The following PRB2 variants were observed in gnomAD, a reference collection of about 807,000 sequenced individuals.
PRB2 encodes basic salivary proline-rich protein 2.
Under a neutral mutation model 8.3 loss-of-function variants are expected in PRB2, and 12 were observed. The ratio of observed to expected loss-of-function variants is 1.45; its 90% CI spans 0.93 to 2.35. The LOEUF (loss-of-function observed/expected upper bound fraction) is 2.35, where lower values mean the gene tolerates loss of function less well. Ranked by LOEUF, PRB2 falls within the 30% of genes most tolerant of loss-of-function variation. The pLI, the probability that PRB2 is intolerant of heterozygous loss-of-function variation, is 0.00. For missense variants in PRB2, 470 were observed against 507.0 expected (o/e 0.93, Z 0.70); for synonymous variants, 146 against 180.0 (o/e 0.81, Z 1.51).
chr12:11,394,988 T>C (rs1260651038), intron 1 of PRB2, among the ~76,000 whole-genome samples: 2 of 152,076 alleles, frequency 1.3e-5, no homozygotes, highest in African/African-American at 4.8e-5. Context: ...TGACAATGAT[T>C]GGCTCTGATA....
At chr12:11,395,405 A>G in intron 1 of PRB2, 61 bp downstream of exon 1, 1 of 1,600,834 alleles carries the variant, frequency 6.2e-7, no homozygotes. Context: ...CCCCGTAATT[A>G]CCATTATCAC....
At position 11,394,532 on chromosome 12, in the gene PRB2, T is replaced by C. The variant is rs767569429; in HGVS notation, c.65-2A>G. On this transcript the variant is annotated splice_acceptor_variant, in intron 1 of 3. Transcript: ENST00000389362. LOFTEE classifies it high-confidence loss of function. ...AGGGAGATTCTTCCTGGCTGACATC[T>C]AGAAGAGAAGCACAGGATGATGGGA... The C allele has an allele frequency of 6.2e-7, 1 of 1,613,270 alleles. No homozygotes were observed. Among genetic ancestry groups the C allele is most frequent in the Non-Finnish European group, 8.5e-7 (1 of 1,179,238 alleles).
Position 11,393,712 on chromosome 12 carries a change from G to T in PRB2, c.366C>A (p.Pro122=). Residue 122 remains proline (P), a synonymous_variant, in exon 3 of 4, where the codon CCC becomes CCA. Coordinates refer to ENST00000389362, the MANE Select transcript of PRB2 (RefSeq NM_006248.4). ...CTTGAGGCTGGTTGCCTCCTTGTGG[G>T]GGTGGTCCTTGTGGCTTTCCTGGAG... ...RSPPGKPQGP[P]PQGGNQPQGP... is the part of the protein sequence containing the mutation. The T allele has an allele frequency of 1.9e-6, 3 of 1,598,762 alleles. No homozygotes were observed. The highest frequency in any genetic ancestry group is 8.5e-7 in the Non-Finnish European group (1 of 1,172,950).
chr12:11,394,123 T>C (rs1217173179), intron 2 of PRB2, 146 bp from the exon 3 acceptor site: 5 of 1,216,608 alleles, frequency 4.1e-6, no homozygotes, highest in Admixed American at 2.2e-5. Context: ...TTCTTTGCAT[T>C]TCAGTGAAGA....
chr12:11,391,892 CT>C (rs1864330592), intron 3 of PRB2, among the ~76,000 whole-genome samples: 1 of 127,354 alleles, frequency 7.9e-6, no homozygotes, highest in African/African-American at 3.2e-5. Flanking sequence ...CTTATTATTA[CT>C]TGCTGCTGAA....
intron 2 of PRB2, 119 bp from the exon 3 acceptor site, chr12:11,394,096 G>A: frequency 7.4e-7 from 1 of 1,353,640 alleles, no homozygotes; most frequent in Non-Finnish European, 1.0e-6. Context: ...ACACAAAAAT[G>A]AGACCAAGAC....
chr12:11,395,390 C>T lies in PRB2; in HGVS notation c.64+76G>A, dbSNP rs1394756009. The T allele has an allele frequency of 6.9e-6, 11 of 1,588,202 alleles. No homozygotes were observed. The East Asian group carries it at 2.2e-4, about 32-fold the overall frequency. ...GCCCCATCTGTGTTTTCATTCTCCT[C>T]TCTTCCCCGTAATTACCATTATCAC... On this transcript the variant is annotated intron_variant, in intron 1 of 3. Transcript: ENST00000389362.
intron 1 of PRB2, among the ~76,000 whole-genome samples, chr12:11,394,807 C>A (rs558634889): frequency 2.0e-5 from 3 of 152,230 alleles, no homozygotes; most frequent in African/African-American, 7.2e-5. Context: ...TCACAAATGC[C>A]AGGTACTTCA....
At position 11,392,943 on chromosome 12, in the gene PRB2, C is replaced by T. The variant is rs566283336; in HGVS notation, c.1135G>A (p.Gly379Ser). Residue 379 changes from glycine to serine, a missense_variant, in exon 3 of 4, where the codon GGT becomes AGT. Around this residue, in one of 4 missense-constraint regions of PRB2, gnomAD observed 205 missense variants for 195.0 expected, o/e 1.05. Coordinates refer to ENST00000389362, the MANE Select transcript of PRB2 (RefSeq NM_006248.4). ...TTGCCTCCTGCTGGAGGTGGGGGAC[C>T]TTGAGGATTGTTGCCTTCTTGTTGG... ...PPQQEGNNPQ[G>S]PPPPAGGNPQ... 5 of 1,610,292 alleles carry T rather than the reference C, an allele frequency of 3.1e-6. No individual in the cohort carries two copies. The highest frequency in any genetic ancestry group is 4.2e-6 in the Non-Finnish European group (5 of 1,179,034).
At chr12:11,395,324 G>T in intron 1 of PRB2, 142 bp downstream of exon 1, 1 of 967,570 alleles carries the variant, frequency 1.0e-6, no homozygotes. Context: ...GTGGAATGAG[G>T]GCACAACAAG....
chr12:11,395,318 A>C lies in PRB2; in HGVS notation c.64+148T>G, dbSNP rs1253710718. On this transcript the variant is annotated intron_variant, in intron 1 of 3. Coordinates refer to ENST00000389362, the MANE Select transcript of PRB2 (RefSeq NM_006248.4). ...AATAAATTAGAAACTCTTATTGTGG[A>C]ATGAGGGCACAACAAGTCTCCTGAT... 6.5e-6 allele frequency: 6 copies of C among 916,322 alleles called. No individual in the cohort carries two copies. In the East Asian group the frequency reaches 1.5e-4, roughly 22 times the overall value. The allele number at this position is 916,322 out of a possible 1,614,324, so 56.8% of individuals were successfully genotyped here. A position where few individuals can be genotyped will look rare whatever the true frequency, so the allele number is the denominator to read the frequency against.
intron 2 of PRB2, 92 bp from the exon 3 acceptor site, chr12:11,394,069 A>T (rs1337596933): frequency 6.5e-7 from 1 of 1,530,904 alleles, no homozygotes; most frequent in Admixed American, 1.7e-5. Flanking sequence ...TTTGGGTAAC[A>T]AGCTGAGTGG....
At chr12:11,394,080 G>C in intron 2 of PRB2, 103 bp from the exon 3 acceptor site, 2 of 1,456,830 alleles carry the variant, frequency 1.4e-6, no homozygotes, top group Non-Finnish European at 1.9e-6. Flanking sequence ...AGCTGAGTGG[G>C]GAAACACACA....
intron 1 of PRB2, 36 bp from the exon 2 acceptor site, chr12:11,394,566 A>C: frequency 6.2e-7 from 1 of 1,608,650 alleles, no homozygotes; most frequent in Non-Finnish European, 8.5e-7. Context: ...GAACAGTTAC[A>C]TCTTGAACCT....
chr12:11,394,551 G>C, intron 1 of PRB2, 21 bp from the exon 2 acceptor site: 5 of 1,612,540 alleles, frequency 3.1e-6, no homozygotes, highest in Non-Finnish European at 3.4e-6. Context: ...AGCACAGGAT[G>C]ATGGGAACAG....
intron 2 of PRB2, 64 bp downstream of exon 2, chr12:11,394,431 G>C (rs1864376183): frequency 2.6e-6 from 4 of 1,554,022 alleles, no homozygotes; most frequent in Non-Finnish European, 3.6e-6. Flanking sequence ...AGACACTGGA[G>C]AACTGATCCA....
rs914664846 is a variant in PRB2 at position 11,394,050 on chromosome 12, T to A, written c.101-73A>T. On this transcript the variant is annotated intron_variant, in intron 2 of 3. Transcript: ENST00000389362. ...GATTCCCTGAATAGTTGCAGTAAATTTTTATCAGTTTGGGTAACAAGCTGA... is the reference window on the plus strand; with the variant it reads ...GATTCCCTGAATAGTTGCAGTAAATATTTATCAGTTTGGGTAACAAGCTGA... The A allele has an allele frequency of 6.3e-6, 10 of 1,591,950 alleles. No individual in the cohort carries two copies. The African/African-American group carries it at 1.3e-4, about 21-fold the overall frequency.
In PRB2 at chr12:11,393,753, G is replaced by A. The variant is rs753085797; in HGVS notation, c.325C>T (p.Arg109Ter). The A allele has an allele frequency of 1.4e-5, 22 of 1,597,574 alleles. No homozygotes were observed. Among genetic ancestry groups the A allele is most frequent in the East Asian group, 2.3e-5 (1 of 44,238 alleles). Residue 109 changes from arginine (R) to a stop codon, truncating the protein, a stop_gained, in exon 3 of 4, where the codon CGA (arginine) becomes TGA (stop). Coordinates refer to ENST00000389362, the MANE Select transcript of PRB2 (RefSeq NM_006248.4). LOFTEE classifies it low-confidence loss of function (END_TRUNC). Reference protein sequence around the residue: ...QGPPPQGDKSRSPRSPPGKPQ... With the variant: ...QGPPPQGDKS The stretch of plus-strand genomic sequence containing the variant: ...TTTCCTGGAGGAGATCGGGGACTTC[G>A]GGACTTGTCTCCTTGTGGGGGTGGT...
rs535988117 is a variant in PRB2, at chr12:11,392,846, G to A, written c.1232C>T (p.Pro411Leu). ...AGGCTGTCACTGGGGAGGTCTGGAA[G>A]GTCTGCCCCCTTGAGGAGGGCGTGG... ...GPPRPPQGGR[P>L]SRPPQ The change falls in exon 3 of 4, where the codon CCT (proline) becomes CTT (leucine). Residue 411 changes from proline (P) to leucine (L), a missense_variant. Physicochemically the swap from Pro to Leu is moderately conservative, Grantham distance 98 (BLOSUM62 -3). Coordinates refer to ENST00000389362, the MANE Select transcript of PRB2 (RefSeq NM_006248.4). The A allele has an allele frequency of 6.5e-7, 1 of 1,550,334 alleles. No individual in the cohort carries two copies. The highest frequency in any genetic ancestry group is 1.9e-5 in the Admixed American group (1 of 54,034).
Sources: allele counts gnomAD v4.1 joint callset (sites outside exome capture counted in the v4.1 genomes callset), GRCh38; gene constraint gnomAD v4.1.1; regional missense constraint gnomAD v4.1.1; transcripts MANE v1.5; gene names NCBI Gene and HGNC (gene_info 2026-07-23, HGNC 2026-07-21).